The following ELOA2 variants were observed in gnomAD, a reference collection of about 807,000 sequenced individuals.
ELOA2 encodes elongin-A2.
For missense variants in ELOA2, 1,271 were observed against 979.7 expected (o/e 1.30, Z -3.97); for synonymous variants, 497 against 398.8 (o/e 1.25, Z -2.94).
At position 47,033,032 on chromosome 18, in the gene ELOA2, C is replaced by T; in HGVS notation, c.2233G>A (p.Asp745Asn). The T allele has an allele frequency of 6.2e-7, 1 of 1,614,140 alleles. No individual in the cohort carries two copies. The highest frequency in any genetic ancestry group is 1.1e-5 in the South Asian group (1 of 91,086). Residue 745 changes from aspartate (D) to asparagine (N), a missense_variant, in exon 1 of 1, where the codon GAC becomes AAC. Physicochemically the swap from Asp to Asn is conservative, Grantham distance 23 (BLOSUM62 1). Transcript: ENST00000332567. ...VAPLMAKAIR[D>N]YKRRFSRR is the part of the protein sequence containing the mutation. ...CGTCGGGAGAATCTTCTCTTGTAGT[C>T]TCGAATTGCCTTGGCCATCAGCGGG...
In ELOA2 at chr18:47,034,717, C is replaced by A. The variant is rs2060676924; in HGVS notation, c.548G>T (p.Gly183Val). 1 of 1,612,848 alleles carries A rather than the reference C, an allele frequency of 6.2e-7. No homozygotes were observed. The highest frequency in any genetic ancestry group is 1.7e-5 in the Admixed American group (1 of 59,976). The stretch of plus-strand genomic sequence containing the variant: ...CTTCCCGGGCGCAGCGGGCTCAGGG[C>A]CCTCGGGCATCCGGAGGGGAGCTGT... Reference protein sequence around the residue: ...TRTAPLRMPEGPEPAAPGKQP... With the variant: ...TRTAPLRMPEVPEPAAPGKQP... Residue 183 changes from glycine (G) to valine (V), a missense_variant, in exon 1 of 1, where the codon GGC (glycine) becomes GTC (valine). By Grantham distance (109) the Gly-to-Val change is moderately radical. Transcript: ENST00000332567.
At position 47,034,472 on chromosome 18, in the gene ELOA2, T is replaced by A; in HGVS notation, c.793A>T (p.Met265Leu). ...TCCCTGGCACTTGCCCAGGAGGGCA[T>A]CCTTGGGGTTTCCTCTCTTAAGCAG... ...GACLREETPR[M>L]PSWASARDRQ... Residue 265 changes from methionine (M) to leucine (L), a missense_variant, in exon 1 of 1, where the codon ATG becomes TTG. Transcript: ENST00000332567. The A allele has an allele frequency of 6.2e-7, 1 of 1,614,162 alleles. No homozygotes were observed. Among genetic ancestry groups the A allele is most frequent in the Non-Finnish European group, 8.5e-7 (1 of 1,180,022 alleles).
rs545163285 is a variant in ELOA2 at position 47,035,584 on chromosome 18, C to G, written c.-320G>C. On this transcript the variant is annotated 5_prime_UTR_variant, in exon 1 of 1. Coordinates refer to ENST00000332567, the MANE Select transcript of ELOA2 (RefSeq NM_016427.3). ...CAGAGCTGGGCCTTATGTAGCCCAT[C>G]CCAGGCTGACACTCACGGCTCTAGC... The G allele has an allele frequency of 2.3e-4, 129 of 551,122 alleles. 2 individuals are homozygous for G. The East Asian group carries it at 2.7e-3, about 12-fold the overall frequency. 34.1% of individuals were successfully genotyped at this position (551,122 alleles called of 1,614,324 possible).
In ELOA2 at chr18:47,034,622, G is replaced by T. The variant is rs760451420; in HGVS notation, c.643C>A (p.Pro215Thr). The T allele has an allele frequency of 3.1e-6, 5 of 1,614,014 alleles. No individual in the cohort carries two copies. In the African/African-American group the frequency reaches 5.3e-5, roughly 17 times the overall value. The change falls in exon 1 of 1, where the codon CCC becomes ACC. Residue 215 changes from proline to threonine, a missense_variant. Coordinates refer to ENST00000332567, the MANE Select transcript of ELOA2 (RefSeq NM_016427.3). The stretch of plus-strand genomic sequence containing the variant: ...TGGCTCACAACGGCTTTCCCCTGGG[G>T]TTGGCCCTGGCAGCCTGGACACAGC... ...PLLCPGCQGQPQGKAVVSHSK... is the reference protein window; with the variant it reads ...PLLCPGCQGQTQGKAVVSHSK...
At position 47,032,809 on chromosome 18, in the gene ELOA2, C is replaced by G; in HGVS notation, c.*194G>C. On this transcript the variant is annotated 3_prime_UTR_variant, in exon 1 of 1. Transcript: ENST00000332567. The stretch of plus-strand genomic sequence containing the variant: ...ATCTTCTGAATTCTGAGGTGTTCTC[C>G]AAGCTGGGAGGTAGTGGCTGGGTGT... 1.0e-6 allele frequency: 1 copy of G among 996,070 alleles called. No homozygotes were observed. Among genetic ancestry groups the G allele is most frequent in the Non-Finnish European group, 1.5e-6 (1 of 684,136 alleles). The allele number at this position is 996,070 out of a possible 1,614,324, so 61.7% of individuals were successfully genotyped here. A position where few individuals can be genotyped will look rare whatever the true frequency, so the allele number is the denominator to read the frequency against.
chr18:47,033,084 G>A lies in ELOA2; in HGVS notation c.2181C>T (p.Thr727=). The A allele has an allele frequency of 6.2e-7, 1 of 1,614,138 alleles. No individual in the cohort carries two copies. The highest frequency in any genetic ancestry group is 8.5e-7 in the Non-Finnish European group (1 of 1,180,046). Residue 727 remains threonine (T), a synonymous_variant, in exon 1 of 1, where the codon ACC becomes ACT. Coordinates refer to ENST00000332567, the MANE Select transcript of ELOA2 (RefSeq NM_016427.3). ...CCACTTTCTTGGCAGCCTGTTTCCG[G>A]GTTTTGGCCGCGGGCGCCGCGTGCT... is the stretch of plus-strand genomic sequence containing the variant. ...SNEHAAPAAK[T]RKQAAKKVAP...
Position 47,032,719 on chromosome 18 carries a change from C to A in ELOA2, c.*284G>T. On this transcript the variant is annotated 3_prime_UTR_variant, in exon 1 of 1. Coordinates refer to ENST00000332567, the MANE Select transcript of ELOA2 (RefSeq NM_016427.3). Reference sequence around the variant, plus strand: ...ACATCTTTTTCCTTATTTATGATTACAACTAGGGTGTTTTTAAAAATTATC... The same window carrying A: ...ACATCTTTTTCCTTATTTATGATTAAAACTAGGGTGTTTTTAAAAATTATC... 1.9e-6 allele frequency: 1 copy of A among 531,516 alleles called. No homozygotes were observed. The highest frequency in any genetic ancestry group is 3.3e-6 in the Non-Finnish European group (1 of 304,080). The allele number at this position is 531,516 out of a possible 1,614,324, so 32.9% of individuals were successfully genotyped here.
At position 47,033,177 on chromosome 18, in the gene ELOA2, G is replaced by A; in HGVS notation, c.2088C>T (p.Asp696=). 6.2e-7 allele frequency: 1 copy of A among 1,614,088 alleles called. No individual in the cohort carries two copies. Among genetic ancestry groups the A allele is most frequent in the Non-Finnish European group, 8.5e-7 (1 of 1,179,996 alleles). ...GCCAGCGAAGGATGCTGCTGCTGCTGTCTCTGCCACCGCCGCTGCTGCTCT... is the reference window on the plus strand; with the variant it reads ...GCCAGCGAAGGATGCTGCTGCTGCTATCTCTGCCACCGCCGCTGCTGCTCT... The part of the protein sequence containing the change: ...SSQSSSGGGR[D]SSSSILRWLP... The change falls in exon 1 of 1, where the codon GAC becomes GAT. Residue 696 remains aspartate, a synonymous_variant. Transcript: ENST00000332567.
chr18:47,035,295 C>A lies in ELOA2; in HGVS notation c.-31G>T. ...CAGAGCTGTGCAGGCGTCGCTGTCC[C>A]GGCGGTCGCAGCTCTGTCTTTGGGG... On this transcript the variant is annotated 5_prime_UTR_variant, in exon 1 of 1. Transcript: ENST00000332567. The A allele has an allele frequency of 3.1e-6, 5 of 1,611,718 alleles. No individual in the cohort carries two copies. Among genetic ancestry groups the A allele is most frequent in the Non-Finnish European group, 4.2e-6 (5 of 1,179,540 alleles).
At position 47,035,598 on chromosome 18, in the gene ELOA2, C is replaced by G. The variant is rs147815940; in HGVS notation, c.-334G>C. ...ATGTAGCCCATCCCAGGCTGACACT[C>G]ACGGCTCTAGCCCTGACCCTCTTAG... On this transcript the variant is annotated 5_prime_UTR_variant, in exon 1 of 1. Coordinates refer to ENST00000332567, the MANE Select transcript of ELOA2 (RefSeq NM_016427.3). The G allele has an allele frequency of 2.4e-3, 1,259 of 524,984 alleles. 9 individuals carry two copies. The highest frequency in any genetic ancestry group is 0.022 in the African/African-American group (1,135 of 51,988). 32.5% of individuals were successfully genotyped at this position (524,984 alleles called of 1,614,324 possible). A position where few individuals can be genotyped will look rare whatever the true frequency, so the allele number is the denominator to read the frequency against.
rs2060528649 is a variant in ELOA2 at position 47,032,672 on chromosome 18, A to C, written c.*331T>G. ...TTATCTACTTGATTTCGAAAAAAAA[A>C]AGAAAGGAAAAAGGAAATCTCACAT... On this transcript the variant is annotated 3_prime_UTR_variant, in exon 1 of 1. Transcript: ENST00000332567. 1 of 389,700 alleles carries C rather than the reference A, an allele frequency of 2.6e-6. No individual in the cohort carries two copies. The highest frequency in any genetic ancestry group is 4.6e-6 in the Non-Finnish European group (1 of 218,486). The allele number at this position is 389,700 out of a possible 1,614,324, so 24.1% of individuals were successfully genotyped here. A position where few individuals can be genotyped will look rare whatever the true frequency, so the allele number is the denominator to read the frequency against.
chr18:47,032,877 T>A lies in ELOA2; in HGVS notation c.*126A>T, dbSNP rs1020075578. ...GGCCAGCACATGACACCTGCAGAAT[T>A]CAAAGGCTCAACTTTGCACCAAGTT... is the stretch of plus-strand genomic sequence containing the variant. On this transcript the variant is annotated 3_prime_UTR_variant, in exon 1 of 1. Transcript: ENST00000332567. 5.1e-6 allele frequency: 8 copies of A among 1,565,314 alleles called. No homozygotes were observed. Among genetic ancestry groups the A allele is most frequent in the Non-Finnish European group, 6.9e-6 (8 of 1,153,688 alleles).
Position 47,035,552 on chromosome 18 carries a change from CTGG to C in ELOA2, c.-291_-289del, listed in dbSNP as rs2060734430. 1.6e-6 allele frequency: 1 copy of C among 630,110 alleles called. No individual in the cohort carries two copies. Among genetic ancestry groups the C allele is most frequent in the African/African-American group, 1.8e-5 (1 of 54,096 alleles). 39.0% of individuals were successfully genotyped at this position (630,110 alleles called of 1,614,324 possible). ...TTGCTGTGCAACAAAGAATGAAGCT[CTGG>C]TGCCAGAGCTGGGCCTTATGTAGCC... On this transcript the variant is annotated 5_prime_UTR_variant, in exon 1 of 1. Coordinates refer to ENST00000332567, the MANE Select transcript of ELOA2 (RefSeq NM_016427.3).
rs567473315 is a variant in ELOA2 at position 47,035,331 on chromosome 18, G to T, written c.-67C>A. The T allele has an allele frequency of 2.5e-6, 4 of 1,606,208 alleles. No homozygotes were observed. Among genetic ancestry groups the T allele is most frequent in the African/African-American group, 2.7e-5 (2 of 74,764 alleles). ...GCTCTGTCTTTGGGGCTGCGGGACA[G>T]GAAGTCTGGGGTGGCCGGTCCTCGC... On this transcript the variant is annotated 5_prime_UTR_variant, in exon 1 of 1. The change creates a new upstream start codon in the 5' untranslated region. Transcript: ENST00000332567.
rs2060697117 is a variant in ELOA2, at chr18:47,034,998, G to A, written c.267C>T (p.Asp89=). The A allele has an allele frequency of 6.2e-7, 1 of 1,611,570 alleles. No homozygotes were observed. Among genetic ancestry groups the A allele is most frequent in the South Asian group, 1.1e-5 (1 of 90,968 alleles). ...VDRNTRPGPQ[D]PEESASRQRF... is the part of the protein sequence containing the mutation. ...GCTGTCGGGAAGCGCTCTCCTCAGGGTCCTGTGGGCCAGGCCGGGTGTTTC... is the reference window on the plus strand; with the variant it reads ...GCTGTCGGGAAGCGCTCTCCTCAGGATCCTGTGGGCCAGGCCGGGTGTTTC... Residue 89 remains aspartate (D), a synonymous_variant, in exon 1 of 1, where the codon GAC becomes GAT. Coordinates refer to ENST00000332567, the MANE Select transcript of ELOA2 (RefSeq NM_016427.3).
Position 47,033,037 on chromosome 18 carries a change from A to G in ELOA2, c.2228T>C (p.Ile743Thr). The G allele has an allele frequency of 6.2e-7, 1 of 1,614,148 alleles. No homozygotes were observed. ...KKVAPLMAKA[I>T]RDYKRRFSRR ...GGAGAATCTTCTCTTGTAGTCTCGA[A>G]TTGCCTTGGCCATCAGCGGGGCCAC... The change falls in exon 1 of 1, where the codon ATT becomes ACT. Residue 743 changes from isoleucine (I) to threonine (T), a missense_variant. Coordinates refer to ENST00000332567, the MANE Select transcript of ELOA2 (RefSeq NM_016427.3).
In ELOA2 at chr18:47,033,017, A is replaced by G. The variant is rs568504684; in HGVS notation, c.2248T>C (p.Phe750Leu). ...AAGTCCTGAGTTTATCGTCGGGAGA[A>G]TCTTCTCTTGTAGTCTCGAATTGCC... ...AKAIRDYKRR[F>L]SRR The change falls in exon 1 of 1, where the codon TTC becomes CTC. Residue 750 changes from phenylalanine (F) to leucine (L), a missense_variant. Coordinates refer to ENST00000332567, the MANE Select transcript of ELOA2 (RefSeq NM_016427.3). 21 of 1,614,138 alleles carry G rather than the reference A, an allele frequency of 1.3e-5. No individual in the cohort carries two copies. The highest frequency in any genetic ancestry group is 6.7e-5 in the Admixed American group (4 of 60,022).
rs1471012794 is a variant in ELOA2 at position 47,033,839 on chromosome 18, G to A, written c.1426C>T (p.Pro476Ser). ...SEAWMQANYD[P>S]LSDSDSMTSQ... is the part of the protein sequence containing the mutation. ...GTCATGGAGTCAGAATCCGAAAGCG[G>A]ATCGTAGTTGGCCTGCATCCAGGCC... The change falls in exon 1 of 1, where the codon CCG (proline) becomes TCG (serine). Residue 476 changes from proline (P) to serine (S), a missense_variant. By Grantham distance (74) the Pro-to-Ser change is moderately conservative. Transcript: ENST00000332567. 6 of 1,614,036 alleles carry A rather than the reference G, an allele frequency of 3.7e-6. No individual in the cohort carries two copies. Among genetic ancestry groups the A allele is most frequent in the Middle Eastern group, 1.7e-4 (1 of 6,046 alleles).
rs779475417 is a variant in ELOA2 at position 47,033,365 on chromosome 18, G to C, written c.1900C>G (p.Pro634Ala). 4 of 1,614,152 alleles carry C rather than the reference G, an allele frequency of 2.5e-6. No homozygotes were observed. The Admixed American group carries it at 5.0e-5, about 20-fold the overall frequency. ...TNIRSARGNN[P>A]NGREAKMICF... ...ATCATCTTTGCCTCTCTGCCGTTGG[G>C]GTTGTTTCCACGTGCAGATCGGATA... Residue 634 changes from proline (P) to alanine (A), a missense_variant, in exon 1 of 1, where the codon CCC becomes GCC. Physicochemically the swap from Pro to Ala is conservative, Grantham distance 27. Transcript: ENST00000332567.
Sources: allele counts gnomAD v4.1 joint callset, GRCh38; gene constraint gnomAD v4.1.1; transcripts MANE v1.5; gene names NCBI Gene and HGNC (gene_info 2026-07-23, HGNC 2026-07-21).